SLC26A1: variants seen among roughly 807,000 people sequenced by gnomAD.
SLC26A1 encodes solute carrier family 26 member 1, also known as sulfate anion transporter 1.
In SLC26A1, 18 loss-of-function variants were observed where a neutral mutation model predicts 14.5. That is an observed-to-expected ratio of 1.24 (90% CI 0.86 to 1.84). SLC26A1 has a LOEUF of 1.84. Ranked by LOEUF, SLC26A1 falls within the 40% of genes most tolerant of loss-of-function variation. SLC26A1 has a pLI of 0.00. For missense variants in SLC26A1, 1,049 were observed against 1,020.0 expected, an observed-to-expected ratio of 1.03 and a Z score of -0.39; for synonymous variants, 505 against 492.0, an observed-to-expected ratio of 1.03 and a Z score of -0.35.
chr4:991,343 C>T lies in SLC26A1; in HGVS notation c.361G>A (p.Val121Ile), dbSNP rs1370231690. The change falls in exon 2 of 3, where the codon GTC becomes ATC. Residue 121 changes from valine (V) to isoleucine (I), a missense_variant. Coordinates refer to ENST00000398516, the MANE Select transcript of SLC26A1 (RefSeq NM_022042.4). ...IYFLMGTSRH[V>I]SVGIFSLLCL... ...AGCAGGCTGAAGATGCCCACGGAGA[C>T]ATGCCGTGAGGTGCCCATGAGGAAG... is the stretch of plus-strand genomic sequence containing the variant. 2 of 1,612,772 alleles carry T rather than the reference C, an allele frequency of 1.2e-6. No homozygotes were observed. Among genetic ancestry groups the T allele is most frequent in the Non-Finnish European group, 1.7e-6 (2 of 1,179,948 alleles).
chr4:991,765 C>T lies in SLC26A1; in HGVS notation c.-27-35G>A, dbSNP rs540622034. On this transcript the variant is annotated intron_variant, in intron 1 of 2. Coordinates refer to ENST00000398516, the MANE Select transcript of SLC26A1 (RefSeq NM_022042.4). ...AGAAGAGGGCATGGTCACAGGAGCCCCCGGATCCAGGGCCAAACGACAAGG... is the reference window on the plus strand; with the variant it reads ...AGAAGAGGGCATGGTCACAGGAGCCTCCGGATCCAGGGCCAAACGACAAGG... The T allele has an allele frequency of 1.2e-5, 19 of 1,529,600 alleles. No homozygotes were observed. In the Middle Eastern group the frequency reaches 1.0e-3, roughly 82 times the overall value. 94.8% of individuals were successfully genotyped at this position (1,529,600 alleles called of 1,614,324 possible).
chr4:988,635 TTC>T lies in SLC26A1; in HGVS notation c.*196_*197del. The T allele has an allele frequency of 7.2e-7, 1 of 1,379,702 alleles. No homozygotes were observed. The highest frequency in any genetic ancestry group is 9.3e-7 in the Non-Finnish European group (1 of 1,072,446). 85.5% of individuals were successfully genotyped at this position (1,379,702 alleles called of 1,614,324 possible). The stretch of plus-strand genomic sequence containing the variant: ...TGTCTCGGAGGCAGAGGTTCTTGAT[TTC>T]TGAGTGTTTGGGTCCTGCGTGTGAT... On this transcript the variant is annotated 3_prime_UTR_variant, in exon 3 of 3. Transcript: ENST00000398516.
rs2153016084 is a variant in SLC26A1, at chr4:988,702, C to T, written c.*131G>A. On this transcript the variant is annotated 3_prime_UTR_variant, in exon 3 of 3. Transcript: ENST00000398516. Reference sequence around the variant, plus strand: ...TCCCAGTTGGGGTTCCCCGGTTTCCCCAGGGCAGCTGTGGCACAAGAGTGC... The same window carrying T: ...TCCCAGTTGGGGTTCCCCGGTTTCCTCAGGGCAGCTGTGGCACAAGAGTGC... The T allele has an allele frequency of 1.4e-6, 2 of 1,416,268 alleles. No individual in the cohort carries two copies. The highest frequency in any genetic ancestry group is 1.8e-6 in the Non-Finnish European group (2 of 1,089,750). The allele number at this position is 1,416,268 out of a possible 1,614,324, so 87.7% of individuals were successfully genotyped here.
chr4:993,310 T>G lies in SLC26A1; in HGVS notation c.-37A>C, dbSNP rs1375078725. On this transcript the variant is annotated 5_prime_UTR_variant, in exon 1 of 3. Transcript: ENST00000398516. ...CCAGGATGGTTCTTACCTGAGGGAG[T>G]CCTCACAGGCGCGGAGGGCCCTGGG... The G allele has an allele frequency of 1.3e-5, 2 of 151,614 alleles. No individual in the cohort carries two copies. Among genetic ancestry groups the G allele is most frequent in the Non-Finnish European group, 2.9e-5 (2 of 67,880 alleles). The allele number at this position is 151,614 out of a possible 1,614,324, so 9.4% of individuals were successfully genotyped here. A position where few individuals can be genotyped will look rare whatever the true frequency, so the allele number is the denominator to read the frequency against.
At position 988,662 on chromosome 4, in the gene SLC26A1, T is replaced by C; in HGVS notation, c.*171A>G. ...CTGAGTGTTTGGGTCCTGCGTGTGA[T>C]CAGAGGGCCTCCTTTCCCAGTTGGG... On this transcript the variant is annotated 3_prime_UTR_variant, in exon 3 of 3. Transcript: ENST00000398516. 7 of 1,412,168 alleles carry C rather than the reference T, an allele frequency of 5.0e-6. No individual in the cohort carries two copies. The highest frequency in any genetic ancestry group is 2.9e-5 in the African/African-American group (2 of 69,092). The allele number at this position is 1,412,168 out of a possible 1,614,324, so 87.5% of individuals were successfully genotyped here.
At position 989,182 on chromosome 4, in the gene SLC26A1, C is replaced by A; in HGVS notation, c.1757G>T (p.Gly586Val). 1 of 1,607,396 alleles carries A rather than the reference C, an allele frequency of 6.2e-7. No homozygotes were observed. The highest frequency in any genetic ancestry group is 8.5e-7 in the Non-Finnish European group (1 of 1,176,364). Reference protein sequence around the residue: ...GGSETGVGEGGPAQGEDLGPV... With the variant: ...GGSETGVGEGVPAQGEDLGPV... ...GCCCAGGTCCTCGCCCTGGGCAGGG[C>A]CTCCCTCACCGACCCCCGTCTCTGA... The change falls in exon 3 of 3, where the codon GGC becomes GTC. Residue 586 changes from glycine to valine, a missense_variant. Gly to Val is a moderately radical substitution (Grantham distance 109). Transcript: ENST00000398516.
downstream of SLC26A1, among the ~76,000 whole-genome samples, chr4:985,311 C>T (rs938362477): frequency 3.3e-5 from 5 of 152,256 alleles, no homozygotes; most frequent in Middle Eastern, 3.2e-3. Context: ...AAGCGGGCCC[C>T]GCCCCCTCCC....
Position 988,677 on chromosome 4 carries a change from TC to T in SLC26A1, c.*155del. On this transcript the variant is annotated 3_prime_UTR_variant, in exon 3 of 3. Transcript: ENST00000398516. ...CTGCGTGTGATCAGAGGGCCTCCTT[TC>T]CCAGTTGGGGTTCCCCGGTTTCCCC... 7.1e-7 allele frequency: 1 copy of T among 1,414,984 alleles called. No homozygotes were observed. The highest frequency in any genetic ancestry group is 3.1e-5 in the Admixed American group (1 of 32,476). The allele number at this position is 1,414,984 out of a possible 1,614,324, so 87.7% of individuals were successfully genotyped here.
chr4:981,384 G>A (rs1713536501), intron 2 of SLC26A1, among the ~76,000 whole-genome samples: 1 of 152,216 alleles, frequency 6.6e-6, no homozygotes, highest in African/African-American at 2.4e-5. Context: ...GGCTGAGGTG[G>A]GAGGATCACT....
In SLC26A1 at chr4:990,034, GCCA is replaced by G. The variant is rs774614750; in HGVS notation, c.902_904del (p.Val301del). ...CTGCCCGAAGTGCGACACGAGTGTG[GCCA>G]CCACGATGACCAGCAGCTCCGTGGG... On this transcript the variant is annotated inframe_deletion, in exon 3 of 3. Transcript: ENST00000398516. The G allele has an allele frequency of 4.4e-6, 7 of 1,596,142 alleles. No individual in the cohort carries two copies. Among genetic ancestry groups the G allele is most frequent in the Non-Finnish European group, 5.1e-6 (6 of 1,173,552 alleles).
intron 2 of SLC26A1, 59 bp downstream of exon 2, chr4:991,069 G>A (rs1309756815): frequency 6.1e-6 from 9 of 1,478,682 alleles, no homozygotes; most frequent in Non-Finnish European, 8.1e-6. Flanking sequence ...CTCGTGGATG[G>A]CCAAAACCTA....
Position 988,601 on chromosome 4 carries a change from G to A in SLC26A1, c.*232C>T, listed in dbSNP as rs551488802. On this transcript the variant is annotated 3_prime_UTR_variant, in exon 3 of 3. Coordinates refer to ENST00000398516, the MANE Select transcript of SLC26A1 (RefSeq NM_022042.4). ...TGCATTGGGGCCCAGCCAGCACTGT[G>A]GGCCAGCCTGTCTCGGAGGCAGAGG... 1 of 1,376,486 alleles carries A rather than the reference G, an allele frequency of 7.3e-7. No individual in the cohort carries two copies. Among genetic ancestry groups the A allele is most frequent in the Non-Finnish European group, 9.3e-7 (1 of 1,070,228 alleles). 85.3% of individuals were successfully genotyped at this position (1,376,486 alleles called of 1,614,324 possible).
Position 989,879 on chromosome 4 carries a change from C to A in SLC26A1, c.1060G>T (p.Ala354Ser), listed in dbSNP as rs756246013. 1.9e-6 allele frequency: 3 copies of A among 1,571,440 alleles called. No individual in the cohort carries two copies. Among genetic ancestry groups the A allele is most frequent in the Admixed American group, 1.9e-5 (1 of 53,698 alleles). ...ATCTCCGCCAGCGAGATGGAGAAGG[C>A]GGCAGCCACGAGGGCCAGGGCCACG... is the stretch of plus-strand genomic sequence containing the variant. Reference protein sequence around the residue: ...DAVALALVAAAFSISLAEMFA... With the variant: ...DAVALALVAASFSISLAEMFA... Residue 354 changes from alanine (A) to serine (S), a missense_variant, in exon 3 of 3, where the codon GCC becomes TCC. Coordinates refer to ENST00000398516, the MANE Select transcript of SLC26A1 (RefSeq NM_022042.4).
chr4:990,156 C>T lies in SLC26A1; in HGVS notation c.783G>A (p.Val261=), dbSNP rs952477347. 5.8e-6 allele frequency: 9 copies of T among 1,564,292 alleles called. No homozygotes were observed. The highest frequency in any genetic ancestry group is 5.4e-5 in the African/African-American group (4 of 73,912). Residue 261 remains valine (V), a synonymous_variant, in exon 3 of 3, where the codon GTG becomes GTA. Transcript: ENST00000398516. ...SLLRGAGQAN[V]CDVVTSTVCL... ...ACACCGTGCTGGTGACCACGTCGCA[C>T]ACGTTGGCCTGCCCGGCGCCGCGCA...
In SLC26A1 at chr4:990,059, TG is replaced by T; in HGVS notation, c.879del (p.Thr294ArgfsTer44). 6.2e-7 allele frequency: 1 copy of T among 1,601,712 alleles called. No homozygotes were observed. On this transcript the variant is annotated frameshift_variant, in exon 3 of 3. Coordinates refer to ENST00000398516, the MANE Select transcript of SLC26A1 (RefSeq NM_022042.4). LOFTEE classifies it low-confidence loss of function (END_TRUNC). ...RYRHRLRVPL[P>X]TELLVIVVAT... Reference sequence around the variant, plus strand: ...GCCACCACGATGACCAGCAGCTCCGTGGGCAGCGGCACCCTCAGGCGGTGTC... The same window carrying T: ...GCCACCACGATGACCAGCAGCTCCGTGGCAGCGGCACCCTCAGGCGGTGTC...
Position 990,097 on chromosome 4 carries a change from G to A in SLC26A1, c.842C>T (p.Ser281Leu). ...LAVLLAAKEL[S>L]DRYRHRLRVP... Reference sequence around the variant, plus strand: ...CCTCAGGCGGTGTCGGTAGCGGTCTGAGAGCTCCTTCGCGGCTAGCAGCAC... The same window carrying A: ...CCTCAGGCGGTGTCGGTAGCGGTCTAAGAGCTCCTTCGCGGCTAGCAGCAC... The change falls in exon 3 of 3, where the codon TCA becomes TTA. Residue 281 changes from serine (S) to leucine (L), a missense_variant. Physicochemically the swap from Ser to Leu is moderately radical, Grantham distance 145. Transcript: ENST00000398516. 6.3e-7 allele frequency: 1 copy of A among 1,595,244 alleles called. No homozygotes were observed. Among genetic ancestry groups the A allele is most frequent in the East Asian group, 2.3e-5 (1 of 43,946 alleles).
downstream of SLC26A1, among the ~76,000 whole-genome samples, chr4:986,590 G>C (rs573056516): frequency 6.6e-6 from 1 of 152,254 alleles, no homozygotes; most frequent in African/African-American, 2.4e-5. Flanking sequence ...CAAGTGTAAG[G>C]AGGGCCCAGT....
intron 1 of SLC26A1, 93 bp from the exon 2 acceptor site, chr4:991,823 C>A (rs756020087): frequency 9.8e-6 from 15 of 1,532,882 alleles, no homozygotes; most frequent in Middle Eastern, 3.3e-4. Flanking sequence ...TGGGGCGGAC[C>A]CCTCGCCCAC....
downstream of SLC26A1, chr4:987,101 C>A (rs1257301694): frequency 6.8e-7 from 1 of 1,461,190 alleles, no homozygotes; most frequent in East Asian, 3.0e-5. Context: ...CCCCTGCGCC[C>A]CCGCGCCGCG....
Sources: allele counts gnomAD v4.1 joint callset (sites outside exome capture counted in the v4.1 genomes callset), GRCh38; gene constraint gnomAD v4.1.1; transcripts MANE v1.5; gene names NCBI Gene and HGNC (gene_info 2026-07-23, HGNC 2026-07-21).